The following SLC24A3 variants were observed in gnomAD, a reference collection of about 807,000 sequenced individuals.
SLC24A3 encodes the protein sodium/potassium/calcium exchanger 3.
SLC24A3 carries 28 observed loss-of-function variants against 75.8 expected under a neutral mutation model. That is an observed-to-expected ratio of 0.37 (90% confidence interval 0.27 to 0.51). SLC24A3 has a LOEUF of 0.51. SLC24A3 is among the 20% of genes least tolerant of loss of function. The pLI is 0.94. For synonymous variants in SLC24A3, 372 were observed against 334.1 expected, an observed-to-expected ratio of 1.11 and a Z score of -1.24; for missense variants, 663 against 847.8, an observed-to-expected ratio of 0.78 and a Z score of 2.71.
chr20:19,425,333 T>C (rs1986988477), intron 2 of SLC24A3, among the ~76,000 whole-genome samples: 1 of 152,072 alleles, frequency 6.6e-6, no homozygotes, highest in African/African-American at 2.4e-5. Flanking sequence ...CTGGGGACAT[T>C]GGCTCTTTTA....
chr20:19,219,377 C>T (rs886096498), intron 1 of SLC24A3, among the ~76,000 whole-genome samples: 11 of 152,192 alleles, frequency 7.2e-5, no homozygotes, highest in Non-Finnish European at 1.3e-4. Context: ...CGGGGACCTT[C>T]ACCCATTTGT....
chr20:19,546,375 C>T (rs1355138102), intron 3 of SLC24A3, among the ~76,000 whole-genome samples: 1 of 152,104 alleles, frequency 6.6e-6, no homozygotes. Context: ...GGCCACATTC[C>T]TGTGACACCG....
chr20:19,353,087 C>A (rs1324826799), intron 2 of SLC24A3, among the ~76,000 whole-genome samples: 1 of 152,178 alleles, frequency 6.6e-6, no homozygotes, highest in Non-Finnish European at 1.5e-5. Flanking sequence ...ATAGGCTATA[C>A]CTCATAGCCT....
intron 6 of SLC24A3, among the ~76,000 whole-genome samples, chr20:19,645,768 C>T (rs2032129437): frequency 6.6e-6 from 1 of 152,162 alleles, no homozygotes; most frequent in South Asian, 2.1e-4. Context: ...AAAACAGGGG[C>T]TCAGGCCGAG....
At chr20:19,528,256 G>T (rs772332108) in intron 3 of SLC24A3, among the ~76,000 whole-genome samples, 2 of 152,074 alleles carry the variant, frequency 1.3e-5, no homozygotes, top group Non-Finnish European at 2.9e-5. Context: ...ATTTGGAACC[G>T]GATCCCAAAG....
chr20:19,478,945 C>A (rs116842257), intron 2 of SLC24A3, among the ~76,000 whole-genome samples: 1 of 152,348 alleles, frequency 6.6e-6, no homozygotes, highest in East Asian at 1.9e-4. Flanking sequence ...AGTGGCAGGT[C>A]TCCTTCAAAA....
At chr20:19,453,189 C>G (rs1457044569) in intron 2 of SLC24A3, among the ~76,000 whole-genome samples, 2 of 151,932 alleles carry the variant, frequency 1.3e-5, no homozygotes, top group Non-Finnish European at 2.9e-5. Context: ...CGAACAACAA[C>G]AACAACAACA....
Position 19,673,613 on chromosome 20 carries a change from A to G in SLC24A3, c.726A>G (p.Leu242=). 2 of 1,614,098 alleles carry G rather than the reference A, an allele frequency of 1.2e-6. No homozygotes were observed. Among genetic ancestry groups the G allele is most frequent in the Non-Finnish European group, 1.7e-6 (2 of 1,179,952 alleles). ...GGTTTACACACAGGTGGGAGTCTTT[A>G]GTCCTTGTGCTGATGTATCTTATCT... ...YDEKVSWWES[L]VLVLMYLIYI... is the part of the protein sequence containing the mutation. The change falls in exon 9 of 17, where the codon TTA becomes TTG. Residue 242 remains leucine, a synonymous_variant. Transcript: ENST00000328041.
intron 1 of SLC24A3, among the ~76,000 whole-genome samples, chr20:19,236,457 G>GA (rs1186231217): frequency 1.3e-5 from 2 of 152,098 alleles, no homozygotes; most frequent in Admixed American, 1.3e-4. Context: ...TAGTTTTAGA[G>GA]AAAAAATAAG....
intron 7 of SLC24A3, among the ~76,000 whole-genome samples, chr20:19,654,904 C>T (rs900739056): frequency 6.6e-6 from 1 of 152,116 alleles, no homozygotes; most frequent in Admixed American, 6.5e-5. Flanking sequence ...GTCTCAGCCT[C>T]CCAAACTGCT....
intron 2 of SLC24A3, among the ~76,000 whole-genome samples, chr20:19,484,583 G>A (rs543946328): frequency 6.6e-4 from 101 of 152,250 alleles, no homozygotes; most frequent in African/African-American, 2.3e-3. Context: ...GAAATAAACC[G>A]GTCACAAAAA....
chr20:19,285,902 C>G (rs1032983787), intron 2 of SLC24A3, among the ~76,000 whole-genome samples: 1 of 152,170 alleles, frequency 6.6e-6, no homozygotes, highest in Non-Finnish European at 1.5e-5. Flanking sequence ...TTTATTTATA[C>G]ACTTTGCAGT....
At chr20:19,275,410 C>A (rs1318887310) in intron 1 of SLC24A3, among the ~76,000 whole-genome samples, 1 of 152,210 alleles carries the variant, frequency 6.6e-6, no homozygotes, top group Non-Finnish European at 1.5e-5. Context: ...CTGCTGCCAC[C>A]GCGGTGTCTG....
chr20:19,638,983 C>A (rs2032034688), intron 6 of SLC24A3, among the ~76,000 whole-genome samples: 1 of 152,132 alleles, frequency 6.6e-6, no homozygotes, highest in African/African-American at 2.4e-5. Context: ...AAAGAACAAA[C>A]CTTCCACACT....
At chr20:19,670,180 G>C (rs2032449839) in intron 8 of SLC24A3, among the ~76,000 whole-genome samples, 1 of 151,928 alleles carries the variant, frequency 6.6e-6, no homozygotes, top group Non-Finnish European at 1.5e-5. Flanking sequence ...GGACCACATG[G>C]AGAGGCTCAC....
At chr20:19,579,075 G>A (rs573103377) in intron 3 of SLC24A3, among the ~76,000 whole-genome samples, 2 of 152,310 alleles carry the variant, frequency 1.3e-5, no homozygotes, top group East Asian at 3.9e-4. Context: ...AATGGCCACA[G>A]CTAAGGAATA....
At chr20:19,577,135 A>C (rs2031148140) in intron 3 of SLC24A3, among the ~76,000 whole-genome samples, 1 of 151,792 alleles carries the variant, frequency 6.6e-6, no homozygotes, top group African/African-American at 2.4e-5. Context: ...GCTCATGGCA[A>C]GCTCCCCCTC....
chr20:19,683,388 A>T (rs1378907208), intron 10 of SLC24A3, among the ~76,000 whole-genome samples: 1 of 152,242 alleles, frequency 6.6e-6, no homozygotes, highest in African/African-American at 2.4e-5. Context: ...CTGTGTGCAT[A>T]TACAGCTCAT....
At chr20:19,499,880 A>T (rs1029646307) in intron 2 of SLC24A3, among the ~76,000 whole-genome samples, 1 of 152,168 alleles carries the variant, frequency 6.6e-6, no homozygotes. Context: ...TTAGGGATGT[A>T]GCCTGATTTC....
Sources: gnomAD v4.1 joint callset for allele counts (sites outside exome capture counted in the v4.1 genomes callset) on GRCh38, gnomAD v4.1.1 for gene constraint, MANE v1.5 for transcripts, NCBI Gene and HGNC (gene_info 2026-07-23, HGNC 2026-07-21) for gene names.